GMCL1: variants seen among roughly 807,000 people sequenced by gnomAD.
The protein encoded by GMCL1 is germ cell-less protein-like 1.
A neutral mutation model predicts 75.5 loss-of-function variants in GMCL1; 54 were observed. That is an observed-to-expected ratio of 0.71 (90% CI 0.57 to 0.90). GMCL1 has a LOEUF of 0.90. Ranked by LOEUF, GMCL1 falls within the 40% of genes least tolerant of loss-of-function variation. GMCL1 has a pLI of 0.00. For missense variants in GMCL1, 537 were observed against 622.7 expected, an observed-to-expected ratio of 0.86 and a Z score of 1.47; for synonymous variants, 210 against 209.6, an observed-to-expected ratio of 1.00 and a Z score of -0.02.
chr2:69,829,794 T>C lies in GMCL1; in HGVS notation c.-99T>C. On this transcript the variant is annotated 5_prime_UTR_variant, in exon 1 of 14. Coordinates refer to ENST00000282570, the MANE Select transcript of GMCL1 (RefSeq NM_178439.5). The stretch of plus-strand genomic sequence containing the variant: ...GGGGCTGCGCGTGAGAAGGTGGCGG[T>C]GTAGGCACCTGCGCTCGGGGAAGGC... The C allele has an allele frequency of 7.7e-7, 1 of 1,299,540 alleles. No homozygotes were observed. The highest frequency in any genetic ancestry group is 1.5e-5 in the South Asian group (1 of 65,312). The allele number at this position is 1,299,540 out of a possible 1,614,324, so 80.5% of individuals were successfully genotyped here. A position where few individuals can be genotyped will look rare whatever the true frequency, so the allele number is the denominator to read the frequency against.
At position 69,829,976 on chromosome 2, in the gene GMCL1, G is replaced by A. The variant is rs755949617; in HGVS notation, c.84G>A (p.Ser28=). ...QQAQGARAGG[S]ARRPDTGDDA... is the part of the protein sequence containing the mutation. ...CGCAGGGTGCCAGGGCGGGGGGCTC[G>A]GCCCGGAGGCCGGACACTGGAGACG... Residue 28 remains serine, a synonymous_variant, in exon 1 of 14, where the codon TCG becomes TCA. Coordinates refer to ENST00000282570, the MANE Select transcript of GMCL1 (RefSeq NM_178439.5). 5 of 1,582,460 alleles carry A rather than the reference G, an allele frequency of 3.2e-6. No individual in the cohort carries two copies. The Admixed American group carries it at 5.4e-5, about 17-fold the overall frequency.
At chr2:69,852,019 C>G (rs1178868965) in intron 8 of GMCL1, among the ~76,000 whole-genome samples, 1 of 151,718 alleles carries the variant, frequency 6.6e-6, no homozygotes, top group Non-Finnish European at 1.5e-5. Flanking sequence ...TTTTGTGTTA[C>G]GTTATGGCAA....
intron 6 of GMCL1, 35 bp downstream of exon 6, chr2:69,844,231 T>C (rs771810216): frequency 2.6e-6 from 3 of 1,132,336 alleles, no homozygotes; most frequent in South Asian, 2.8e-5. Flanking sequence ...TAATTAGTCA[T>C]CCTAAAATAT....
chr2:69,830,206 G>A, intron 1 of GMCL1, 54 bp downstream of exon 1: 1 of 1,514,282 alleles, frequency 6.6e-7, no homozygotes, highest in Non-Finnish European at 8.8e-7. Flanking sequence ...TTGGGCCTGG[G>A]GCCGAGCCGG....
In GMCL1 at chr2:69,879,001, T is replaced by A. The variant is rs775649829; in HGVS notation, c.1545T>A (p.Asn515Lys). 6.4e-7 allele frequency: 1 copy of A among 1,564,466 alleles called. No homozygotes were observed. The highest frequency in any genetic ancestry group is 1.4e-5 in the African/African-American group (1 of 73,710). Residue 515 changes from asparagine to lysine, a missense_variant, in exon 14 of 14, where the codon AAT becomes AAA. By Grantham distance (94) the Asn-to-Lys change is moderately conservative. Transcript: ENST00000282570. ...NFLYISPEKK[N>K] ...TGTATATATCACCAGAAAAAAAGAA[T>A]TGAAAATAATCGTCACCCAGAAAAT... is the stretch of plus-strand genomic sequence containing the variant.
intron 2 of GMCL1, among the ~76,000 whole-genome samples, chr2:69,838,336 CAAAAA>C (rs71397366): frequency 0.013 from 425 of 31,484 alleles, 1 homozygote; most frequent in African/African-American, 0.042. Flanking sequence ...GACTCTGTCT[CAAAAA>C]AAAAAAAAAA....
intron 11 of GMCL1, among the ~76,000 whole-genome samples, chr2:69,866,639 CT>C (rs1228444677): frequency 6.6e-6 from 1 of 151,986 alleles, no homozygotes; most frequent in East Asian, 1.9e-4. Context: ...TATTTTTTTA[CT>C]TTTTGTAGAG....
intron 9 of GMCL1, among the ~76,000 whole-genome samples, chr2:69,859,137 T>A (rs1387593394): frequency 7.9e-6 from 1 of 126,378 alleles, no homozygotes; most frequent in Non-Finnish European, 1.6e-5. Context: ...AGAGCAAGAC[T>A]CTGTCTCAAA....
chr2:69,870,295 G>C (rs181448691), intron 12 of GMCL1, among the ~76,000 whole-genome samples: 1 of 151,952 alleles, frequency 6.6e-6, no homozygotes, highest in African/African-American at 2.4e-5. Flanking sequence ...TTGGACAGTA[G>C]CTTAATGAAC....
chr2:69,868,495 CATG>C (rs1215602389), intron 11 of GMCL1, among the ~76,000 whole-genome samples: 1 of 152,104 alleles, frequency 6.6e-6, no homozygotes, highest in Non-Finnish European at 1.5e-5. Context: ...TCGTGAACCC[CATG>C]ATGATATTTA....
At chr2:69,864,874 C>T (rs753056347) in intron 10 of GMCL1, 26 bp from the exon 11 acceptor site, 25 of 1,422,332 alleles carry the variant, frequency 1.8e-5, no homozygotes, top group Admixed American at 6.8e-5. Context: ...TTTCTATGAA[C>T]GTTCATATTT....
chr2:69,864,738 A>C (rs1675760124), intron 10 of GMCL1, among the ~76,000 whole-genome samples, 162 bp from the exon 11 acceptor site: 1 of 152,000 alleles, frequency 6.6e-6, no homozygotes, highest in African/African-American at 2.4e-5. Flanking sequence ...ATCTAGCAAA[A>C]ATAATGGACT....
chr2:69,832,146 G>A (rs1046451011), intron 1 of GMCL1, among the ~76,000 whole-genome samples: 2 of 152,016 alleles, frequency 1.3e-5, no homozygotes, highest in African/African-American at 4.8e-5. Flanking sequence ...GCTTGAACCT[G>A]GGAGGCGAGG....
chr2:69,866,411 A>G (rs902705289), intron 11 of GMCL1, among the ~76,000 whole-genome samples: 1 of 152,134 alleles, frequency 6.6e-6, no homozygotes, highest in Non-Finnish European at 1.5e-5. Context: ...TTCTCTCCCA[A>G]ACTTTTCCTC....
chr2:69,830,002 A>T lies in GMCL1; in HGVS notation c.110A>T (p.Asp37Val). The T allele has an allele frequency of 3.2e-6, 5 of 1,569,668 alleles. No homozygotes were observed. The highest frequency in any genetic ancestry group is 4.3e-6 in the Non-Finnish European group (5 of 1,157,556). ...GSARRPDTGDDAAGHGFCYCA... is the reference protein window; with the variant it reads ...GSARRPDTGDVAAGHGFCYCA... ...GCCCGGAGGCCGGACACTGGAGACG[A>T]TGCGGCGGGCCACGGATTCTGTTAC... Residue 37 changes from aspartate to valine, a missense_variant, in exon 1 of 14, where the codon GAT (aspartate) becomes GTT (valine). This residue lies in a region of GMCL1 where 144 missense variants were observed against 127.2 expected (regional missense o/e 1.13). Transcript: ENST00000282570.
At position 69,880,924 on chromosome 2, in the gene GMCL1, C is replaced by G. The variant is rs1022769227; in HGVS notation, c.*1920C>G. The G allele has an allele frequency of 3.3e-5, 5 of 151,250 alleles. No individual in the cohort carries two copies. The highest frequency in any genetic ancestry group is 1.2e-4 in the African/African-American group (5 of 41,130). The allele number at this position is 151,250 out of a possible 1,614,324, so 9.4% of individuals were successfully genotyped here. On this transcript the variant is annotated 3_prime_UTR_variant, in exon 14 of 14. Coordinates refer to ENST00000282570, the MANE Select transcript of GMCL1 (RefSeq NM_178439.5). ...TACATTAGGTCTTTTTCACGGGAAGCTGTTGTTTTCTTTCCGTCTCATTAC... is the reference window on the plus strand; with the variant it reads ...TACATTAGGTCTTTTTCACGGGAAGGTGTTGTTTTCTTTCCGTCTCATTAC...
chr2:69,835,698 CAT>C (rs1195143329), intron 1 of GMCL1, among the ~76,000 whole-genome samples: 3 of 152,180 alleles, frequency 2.0e-5, no homozygotes, highest in African/African-American at 7.2e-5. Flanking sequence ...AGAAATACCT[CAT>C]AGTTAGGGCC....
chr2:69,877,680 C>G (rs1676160963), intron 13 of GMCL1, among the ~76,000 whole-genome samples: 1 of 145,872 alleles, frequency 6.9e-6, no homozygotes, highest in African/African-American at 2.6e-5. Context: ...ACCACTTTCC[C>G]TCGTACAGAG....
intron 11 of GMCL1, among the ~76,000 whole-genome samples, chr2:69,867,604 A>T (rs188325320): frequency 1.3e-5 from 2 of 152,088 alleles, no homozygotes; most frequent in Non-Finnish European, 2.9e-5. Context: ...TTTATGTTCC[A>T]TCGTAAAATT....
Sources: gnomAD v4.1 joint callset for allele counts (sites outside exome capture counted in the v4.1 genomes callset) on GRCh38, gnomAD v4.1.1 for gene constraint, gnomAD v4.1.1 regional missense constraint, MANE v1.5 for transcripts, NCBI Gene and HGNC (gene_info 2026-07-23, HGNC 2026-07-21) for gene names.